The following MIPEP variants were observed in gnomAD, a reference collection of about 807,000 sequenced individuals.
MIPEP encodes the protein mitochondrial intermediate peptidase.
MIPEP carries 79 observed loss-of-function variants against 90.3 expected under a neutral mutation model. The ratio of observed to expected loss-of-function variants is 0.87; its 90% CI spans 0.73 to 1.05. The LOEUF (loss-of-function observed/expected upper bound fraction) is 1.05. Among genes scored for constraint, MIPEP ranks in the 50% least tolerant of loss-of-function variants. The probability of loss-of-function intolerance (pLI) is 0.00; values close to 1 mark genes in which losing one functional copy is unlikely to be tolerated. For synonymous variants in MIPEP, 334 were observed against 315.8 expected (o/e 1.06, Z -0.61); for missense variants, 940 against 905.6 (o/e 1.04, Z -0.49).
chr13:23,882,227 G>A (rs544685332), intron 2 of MIPEP, among the ~76,000 whole-genome samples: 20 of 151,992 alleles, frequency 1.3e-4, no homozygotes, highest in South Asian at 2.1e-4. Flanking sequence ...CCACCACCAC[G>A]CCCTCTAATT....
chr13:23,766,606 G>A (rs1952593386), intron 16 of MIPEP, among the ~76,000 whole-genome samples: 1 of 152,104 alleles, frequency 6.6e-6, no homozygotes, highest in South Asian at 2.1e-4. Flanking sequence ...CTCAATGTGT[G>A]GGCATGTTCC....
chr13:23,787,621 C>G (rs1344885442), intron 16 of MIPEP, among the ~76,000 whole-genome samples: 1 of 152,148 alleles, frequency 6.6e-6, no homozygotes, highest in Admixed American at 6.5e-5. Context: ...CACACTTTCT[C>G]TTTCTCTCGT....
At chr13:23,872,007 A>G (rs1011639044) in intron 5 of MIPEP, among the ~76,000 whole-genome samples, 2 of 152,244 alleles carry the variant, frequency 1.3e-5, no homozygotes, top group African/African-American at 4.8e-5. Flanking sequence ...TGCCAACTTC[A>G]ATGATCTGCC....
intron 18 of MIPEP, among the ~76,000 whole-genome samples, chr13:23,751,569 T>C (rs1378519318): frequency 6.6e-6 from 1 of 152,240 alleles, no homozygotes; most frequent in Non-Finnish European, 1.5e-5. Context: ...GAAAGGAGCA[T>C]GGAAATAAAG....
At chr13:23,820,711 A>T (rs1459049410) in intron 14 of MIPEP, among the ~76,000 whole-genome samples, 1 of 152,048 alleles carries the variant, frequency 6.6e-6, no homozygotes, top group Non-Finnish European at 1.5e-5. Flanking sequence ...GCCCCCAGAC[A>T]TTCTGGGAAC....
At chr13:23,795,259 T>C (rs924449106) in intron 16 of MIPEP, among the ~76,000 whole-genome samples, 8 of 152,204 alleles carry the variant, frequency 5.3e-5, no homozygotes, top group Middle Eastern at 3.4e-3. Flanking sequence ...ATAGTTTAAA[T>C]TGAATACTCT....
At chr13:23,753,346 T>G (rs1165487863) in intron 18 of MIPEP, among the ~76,000 whole-genome samples, 1 of 152,202 alleles carries the variant, frequency 6.6e-6, no homozygotes, top group Non-Finnish European at 1.5e-5. Flanking sequence ...AGACAGTAAG[T>G]AGCAGAGTCA....
intron 16 of MIPEP, among the ~76,000 whole-genome samples, chr13:23,766,297 A>C (rs561646369): frequency 1.8e-4 from 28 of 152,322 alleles, no homozygotes; most frequent in African/African-American, 6.3e-4. Flanking sequence ...TATCTCCTTC[A>C]AGCCTTAGAG....
At chr13:23,748,815 C>T (rs9510841) in intron 18 of MIPEP, among the ~76,000 whole-genome samples, 4 of 152,080 alleles carry the variant, frequency 2.6e-5, no homozygotes, top group Admixed American at 6.5e-5. Flanking sequence ...ATTTATGCTG[C>T]GCCTCCACAT....
chr13:23,809,962 C>A, intron 14 of MIPEP, 38 bp from the exon 15 acceptor site: 1 of 1,328,108 alleles, frequency 7.5e-7, no homozygotes, highest in Non-Finnish European at 1.1e-6. Flanking sequence ...GAGTAAACTG[C>A]GTAATAAGTC....
At chr13:23,844,856 T>G (rs1325824495) in intron 10 of MIPEP, among the ~76,000 whole-genome samples, 1 of 152,176 alleles carries the variant, frequency 6.6e-6, no homozygotes, top group Non-Finnish European at 1.5e-5. Flanking sequence ...GAATATAAGT[T>G]CATATAATAT....
intron 16 of MIPEP, among the ~76,000 whole-genome samples, chr13:23,766,607 G>A (rs1223538055): frequency 6.6e-6 from 1 of 151,832 alleles, no homozygotes; most frequent in East Asian, 1.9e-4. Context: ...TCAATGTGTG[G>A]GCATGTTCCA....
chr13:23,830,237 T>C (rs1260894149), intron 14 of MIPEP, among the ~76,000 whole-genome samples: 4 of 152,228 alleles, frequency 2.6e-5, no homozygotes, highest in South Asian at 2.1e-4. Context: ...TTATCTGCAA[T>C]TGAAATAAAT....
intron 18 of MIPEP, among the ~76,000 whole-genome samples, chr13:23,746,550 C>T (rs536596043): frequency 6.7e-6 from 1 of 149,138 alleles, no homozygotes; most frequent in East Asian, 2.0e-4. Flanking sequence ...ATGAGAATCA[C>T]TTGAACCAAG....
intron 1 of MIPEP, 132 bp downstream of exon 1, chr13:23,889,000 C>G: frequency 1.2e-6 from 1 of 852,482 alleles, no homozygotes; most frequent in Non-Finnish European, 1.6e-6. Flanking sequence ...ACACAAGACG[C>G]CACTGTAAAA....
intron 16 of MIPEP, among the ~76,000 whole-genome samples, chr13:23,772,212 A>T (rs1593144875): frequency 6.6e-6 from 1 of 152,314 alleles, no homozygotes; most frequent in African/African-American, 2.4e-5. Context: ...CACCGAAATG[A>T]CTAAGGCTGC....
At chr13:23,868,061 C>A (rs1283562285) in intron 7 of MIPEP, among the ~76,000 whole-genome samples, 1 of 151,916 alleles carries the variant, frequency 6.6e-6, no homozygotes, top group Non-Finnish European at 1.5e-5. Context: ...ACTAAAAACA[C>A]ACATTTAATA....
intron 16 of MIPEP, among the ~76,000 whole-genome samples, chr13:23,793,040 A>C (rs1593157361): frequency 1.3e-5 from 2 of 152,210 alleles, no homozygotes; most frequent in Admixed American, 1.3e-4. Flanking sequence ...ACTTTGAAAA[A>C]CTGGCGATAG....
chr13:23,831,380 T>TGGCGGGGG (rs1555237493), intron 14 of MIPEP, among the ~76,000 whole-genome samples: 8 of 15,632 alleles, frequency 5.1e-4, no homozygotes, highest in Admixed American at 1.1e-3. Flanking sequence ...AGCTTCCCCA[T>TGGCGGGGG]GGCGGGGGGG....
Sources: gnomAD v4.1 joint callset for allele counts (sites outside exome capture counted in the v4.1 genomes callset) on GRCh38, gnomAD v4.1.1 for gene constraint, MANE v1.5 for transcripts, NCBI Gene and HGNC (gene_info 2026-07-23, HGNC 2026-07-21) for gene names.